The following ANKRD30A variants were observed in gnomAD, a reference collection of about 807,000 sequenced individuals.
ANKRD30A encodes ankyrin repeat domain-containing protein 30A.
In ANKRD30A, 170 loss-of-function variants were observed where a neutral mutation model predicts 166.3. The ratio of observed to expected loss-of-function variants is 1.02; its 90% CI spans 0.90 to 1.16. The LOEUF (loss-of-function observed/expected upper bound fraction) is 1.16. ANKRD30A is among the 50% of genes most tolerant of loss of function. The probability of loss-of-function intolerance (pLI) is 0.00; values close to 1 mark genes in which losing one functional copy is unlikely to be tolerated. For missense variants in ANKRD30A, 1,630 were observed against 1,518.0 expected (o/e 1.07, Z -1.23); for synonymous variants, 564 against 508.9 (o/e 1.11, Z -1.46).
rs780371653 is a variant in ANKRD30A, at chr10:37,197,515, A to G, written c.2716+35A>G. ...TCAATGTAACTATGCGAAGACCAAT[A>G]TTTCAATATTGAACATTTTGATGGT... is the stretch of plus-strand genomic sequence containing the variant. On this transcript the variant is annotated intron_variant, in intron 29 of 35. Transcript: ENST00000361713. 2.1e-5 allele frequency: 34 copies of G among 1,611,156 alleles called. No individual in the cohort carries two copies. The African/African-American group carries it at 3.3e-4, about 16-fold the overall frequency.
the ANKRD30A span, among the ~76,000 whole-genome samples, chr10:37,252,469 G>T: frequency 1.3e-5 from 2 of 152,106 alleles, no homozygotes; most frequent in Non-Finnish European, 2.9e-5. Flanking sequence ...TCTGCTCATG[G>T]CATTGTTGGG....
intron 18 of ANKRD30A, among the ~76,000 whole-genome samples, chr10:37,166,241 C>A (rs1220821175): frequency 6.8e-6 from 1 of 147,512 alleles, no homozygotes; most frequent in East Asian, 1.9e-4. Context: ...GTAGCAAATG[C>A]GTTGTATTTT....
downstream of ANKRD30A, among the ~76,000 whole-genome samples, chr10:37,234,761 C>T (rs1843601000): frequency 6.6e-6 from 1 of 152,122 alleles, no homozygotes; most frequent in Non-Finnish European, 1.5e-5. Context: ...CTCAAATGTT[C>T]ATTCAGTTTA....
chr10:37,238,819 C>T, the ANKRD30A span, among the ~76,000 whole-genome samples: 1 of 152,012 alleles, frequency 6.6e-6, no homozygotes, highest in Non-Finnish European at 1.5e-5. Context: ...AGTAAAGCCT[C>T]CTTCCTTTAT....
chr10:37,199,625 G>T (rs761073407), intron 29 of ANKRD30A, 102 bp from the exon 30 acceptor site: 3 of 676,250 alleles, frequency 4.4e-6, no homozygotes, highest in Non-Finnish European at 7.6e-6. Context: ...GGCTACAGAG[G>T]AGGAACCACA....
chr10:37,157,640 T>A (rs1588821969), intron 13 of ANKRD30A, among the ~76,000 whole-genome samples: 2 of 152,280 alleles, frequency 1.3e-5, no homozygotes, highest in South Asian at 2.1e-4. Context: ...TCCAAATTGC[T>A]GGAATTACAG....
downstream of ANKRD30A, chr10:37,232,654 T>TATATATATATATATATA (rs71007625): frequency 1.9e-3 from 102 of 54,184 alleles, 6 homozygotes; most frequent in Non-Finnish European, 2.5e-3. Context: ...AGCATTGGTT[T>TATATATATATATATATA]TATATATATA....
the ANKRD30A span, among the ~76,000 whole-genome samples, chr10:37,254,780 T>C: frequency 6.6e-6 from 1 of 150,426 alleles, no homozygotes; most frequent in Non-Finnish European, 1.5e-5. Context: ...GCCTCCCGGG[T>C]TCACACCATT....
intron 31 of ANKRD30A, among the ~76,000 whole-genome samples, chr10:37,203,782 C>G (rs1043016307): frequency 1.3e-5 from 2 of 152,132 alleles, no homozygotes; most frequent in African/African-American, 4.8e-5. Flanking sequence ...TAAGCAGCAT[C>G]AGCAAAGTCT....
the ANKRD30A span, among the ~76,000 whole-genome samples, chr10:37,244,861 C>T: frequency 1.3e-5 from 2 of 152,170 alleles, no homozygotes; most frequent in African/African-American, 4.8e-5. Context: ...GTGGTGCTCC[C>T]ACACTTAGGT....
chr10:37,211,621 T>C (rs1304953673), intron 31 of ANKRD30A, among the ~76,000 whole-genome samples: 1 of 152,176 alleles, frequency 6.6e-6, no homozygotes, highest in African/African-American at 2.4e-5. Context: ...TATAGCAGCA[T>C]GTTTTATAAT....
chr10:37,171,619 G>C lies in ANKRD30A; in HGVS notation c.2257+1895G>C, dbSNP rs11011056. ...ACAAGAATTTTCAAAAATGCATAAGGTTTTAAAGTGCCAAATAACAAATGG... is the reference window on the plus strand; with the variant it reads ...ACAAGAATTTTCAAAAATGCATAAGCTTTTAAAGTGCCAAATAACAAATGG... On this transcript the variant is annotated intron_variant, in intron 21 of 35. Coordinates refer to ENST00000361713, the MANE Select transcript of ANKRD30A (RefSeq NM_052997.3). 9.9e-5 allele frequency among the ~76,000 whole-genome samples: 15 copies of C among 151,812 alleles called. No homozygotes were observed. In the East Asian group the frequency reaches 1.7e-3, roughly 18 times the overall value.
chr10:37,206,518 G>A (rs553331920), intron 31 of ANKRD30A, among the ~76,000 whole-genome samples: 4 of 152,222 alleles, frequency 2.6e-5, no homozygotes, highest in East Asian at 3.9e-4. Flanking sequence ...GGCTGGGCCC[G>A]GTGGCTCATG....
chr10:37,157,567 A>T lies in ANKRD30A; in HGVS notation c.1799-825A>T, dbSNP rs140376389. ...TTTTAGTGGAGACAGTGTTTCCAAA[A>T]TAGTGATTTTGGCCAGGCTGGTTTG... On this transcript the variant is annotated intron_variant, in intron 13 of 35. Coordinates refer to ENST00000361713, the MANE Select transcript of ANKRD30A (RefSeq NM_052997.3). 8.9e-3 allele frequency among the ~76,000 whole-genome samples: 1,353 copies of T among 152,234 alleles called. 12 individuals are homozygous for T. Among genetic ancestry groups the T allele is most frequent in the Non-Finnish European group, 0.01 (684 of 68,016 alleles).
the ANKRD30A span, among the ~76,000 whole-genome samples, chr10:37,239,831 A>G: frequency 1.3e-5 from 2 of 152,124 alleles, no homozygotes; most frequent in Admixed American, 1.3e-4. Context: ...CATGTTAGGT[A>G]TAGTCTCTGA....
At chr10:37,221,577 C>T (rs2132749554) in intron 34 of ANKRD30A, among the ~76,000 whole-genome samples, 1 of 151,242 alleles carries the variant, frequency 6.6e-6, no homozygotes, top group South Asian at 2.1e-4. Context: ...TTTTATATGT[C>T]ATTATAGTTA....
chr10:37,264,153 AT>A, the ANKRD30A span, among the ~76,000 whole-genome samples: 1 of 152,138 alleles, frequency 6.6e-6, no homozygotes, highest in Non-Finnish European at 1.5e-5. Context: ...CATATTATTG[AT>A]TTTGTCCATT....
chr10:37,238,948 T>A, the ANKRD30A span, among the ~76,000 whole-genome samples: 92 of 152,216 alleles, frequency 6.0e-4, no homozygotes, highest in African/African-American at 2.1e-3. Flanking sequence ...GTACAGTCTC[T>A]CAAATATGGG....
the ANKRD30A span, among the ~76,000 whole-genome samples, chr10:37,254,613 T>A: frequency 4.6e-5 from 7 of 152,100 alleles, no homozygotes; most frequent in Admixed American, 4.6e-4. Flanking sequence ...GATACATATT[T>A]CTAATCAAAT....
Sources: gnomAD v4.1 joint callset for allele counts (sites outside exome capture counted in the v4.1 genomes callset) on GRCh38, gnomAD v4.1.1 for gene constraint, MANE v1.5 for transcripts, NCBI Gene and HGNC (gene_info 2026-07-23, HGNC 2026-07-21) for gene names.